Variants in ZNF394 observed in about 807,000 individuals in gnomAD.
The protein encoded by ZNF394 is zinc finger protein 99.
A neutral mutation model predicts 21.8 loss-of-function variants in ZNF394; 19 were observed. The ratio of observed to expected loss-of-function variants is 0.87; its 90% CI spans 0.61 to 1.28. The LOEUF (loss-of-function observed/expected upper bound fraction) is 1.28, where lower values mean the gene tolerates loss of function less well. Ranked by LOEUF, ZNF394 falls within the 50% of genes most tolerant of loss-of-function variation. The pLI is 0.00. For synonymous variants in ZNF394, 294 were observed against 273.3 expected (o/e 1.08, Z -0.75); for missense variants, 683 against 708.6 (o/e 0.96, Z 0.41).
downstream of ZNF394, among the ~76,000 whole-genome samples, chr7:99,491,937 G>A (rs1463490015): frequency 6.6e-6 from 1 of 151,744 alleles, no homozygotes. Flanking sequence ...AGCAAGGCAT[G>A]GTGGGGGTGC....
chr7:99,491,715 G>A (rs1334046202), downstream of ZNF394, among the ~76,000 whole-genome samples: 1 of 146,382 alleles, frequency 6.8e-6, no homozygotes. Context: ...GGCGGAGGTT[G>A]CAGTGAGCCG....
chr7:99,488,597 T>G (rs1436384473), downstream of ZNF394, among the ~76,000 whole-genome samples: 2 of 151,932 alleles, frequency 1.3e-5, no homozygotes, highest in African/African-American at 4.8e-5. Context: ...AACTAAGGGC[T>G]ACTCACTAGT....
chr7:99,496,896 G>A (rs1800330256), intron 2 of ZNF394, among the ~76,000 whole-genome samples: 1 of 151,062 alleles, frequency 6.6e-6, no homozygotes, highest in Non-Finnish European at 1.5e-5. Flanking sequence ...ACAAGAATAT[G>A]GAGAAAGAAA....
At chr7:99,487,413 A>C (rs1261278543) in intron 1 of ZNF394, 1 of 1,614,126 alleles carries the variant, frequency 6.2e-7, no homozygotes, top group Non-Finnish European at 8.5e-7. Context: ...AATGTGTCAT[A>C]TGTGGAAAAT....
At position 99,497,087 on chromosome 7, in the gene ZNF394, C is replaced by CGTGTGTGTGT. The variant is rs201206255; in HGVS notation, c.583+1619_583+1628dup. Among the ~76,000 whole-genome samples, 448 of 94,622 alleles carry CGTGTGTGTGT rather than the reference C, an allele frequency of 4.7e-3. 8 individuals are homozygous for CGTGTGTGTGT. Among genetic ancestry groups the CGTGTGTGTGT allele is most frequent in the African/African-American group, 0.025 (367 of 14,426 alleles). The allele number at this position is 94,622 out of a possible 152,430, so 62.1% of individuals were successfully genotyped here. A position where few individuals can be genotyped will look rare whatever the true frequency, so the allele number is the denominator to read the frequency against. On this transcript the variant is annotated intron_variant, in intron 2 of 2. Transcript: ENST00000337673. ...GTATATATATGTATATACATACATA[C>CGTGTGTGTGT]GTGTGTGTGTGTGTGTGTGTGTGTG...
Position 99,486,688 on chromosome 7 carries a change from C to T in ZNF394, n.359G>A, listed in dbSNP as rs149797851. ...CAGGGGCTTCCTTCAAAACCTTAAC[C>T]TTATTCAAGATCAGAATGCGCAAAC... is the stretch of plus-strand genomic sequence containing the variant. On this transcript the variant is annotated non_coding_transcript_exon_variant, in exon 2 of 2. Transcript: ENST00000462024. The T allele has an allele frequency of 3.1e-6, 5 of 1,614,068 alleles. No individual in the cohort carries two copies. In the African/African-American group the frequency reaches 6.7e-5, roughly 22 times the overall value.
intron 1 of ZNF394, 66 bp downstream of exon 1, chr7:99,499,572 C>T: frequency 1.4e-6 from 2 of 1,425,518 alleles, no homozygotes; most frequent in Non-Finnish European, 9.4e-7. Flanking sequence ...AGTTCCGAAA[C>T]GCAGAGCACC....
At position 99,494,252 on chromosome 7, in the gene ZNF394, G is replaced by C; in HGVS notation, c.963C>G (p.Phe321Leu). The change falls in exon 3 of 3, where the codon TTC becomes TTG. Residue 321 changes from phenylalanine to leucine, a missense_variant. Physicochemically the swap from Phe to Leu is conservative, Grantham distance 22 (BLOSUM62 0). Around this residue, in one of 3 missense-constraint regions of ZNF394, gnomAD observed 274 missense variants for 314.1 expected, o/e 0.87. Coordinates refer to ENST00000337673, the MANE Select transcript of ZNF394 (RefSeq NM_032164.4). ...TCAGCACGTGCCACGTCACCATGTG[G>C]AAACTTTGCTTGCACTTGTTCCCGT... The part of the protein sequence containing the change: ...EEHGNKCKQS[F>L]HMVTWHVLKP... 1.2e-6 allele frequency: 2 copies of C among 1,614,266 alleles called. No homozygotes were observed. Among genetic ancestry groups the C allele is most frequent in the Non-Finnish European group, 1.7e-6 (2 of 1,180,056 alleles).
At chr7:99,498,681 A>C in intron 2 of ZNF394, 35 bp downstream of exon 2, 1 of 1,613,390 alleles carries the variant, frequency 6.2e-7, no homozygotes, top group Admixed American at 1.7e-5. Context: ...CACAAACCAC[A>C]CACCGCAATA....
chr7:99,496,409 A>G (rs1156587817), intron 2 of ZNF394, among the ~76,000 whole-genome samples: 2 of 152,042 alleles, frequency 1.3e-5, no homozygotes, highest in Non-Finnish European at 2.9e-5. Context: ...AGAGTAGAGT[A>G]GAATATTCCA....
downstream of ZNF394, among the ~76,000 whole-genome samples, chr7:99,489,658 A>G (rs1296789252): frequency 6.6e-6 from 1 of 152,134 alleles, no homozygotes; most frequent in Non-Finnish European, 1.5e-5. Flanking sequence ...AACTACTTGT[A>G]TTCAAAAAGT....
Position 99,500,247 on chromosome 7 carries a change from G to T in ZNF394, c.-154C>A, listed in dbSNP as rs139549797. The T allele has an allele frequency of 3.0e-6, 2 of 676,004 alleles. No individual in the cohort carries two copies. The highest frequency in any genetic ancestry group is 4.6e-6 in the Non-Finnish European group (2 of 434,270). The allele number at this position is 676,004 out of a possible 1,614,324, so 41.9% of individuals were successfully genotyped here. ...TCCACACTCTCCTTTCCTCAGCTTT[G>T]CGCCTACAACTCTCTCGGTCAAACA... On this transcript the variant is annotated 5_prime_UTR_variant, in exon 1 of 3. Coordinates refer to ENST00000337673, the MANE Select transcript of ZNF394 (RefSeq NM_032164.4).
At chr7:99,489,354 C>G (rs1162955673), downstream of ZNF394, among the ~76,000 whole-genome samples, 2 of 151,912 alleles carry the variant, frequency 1.3e-5, no homozygotes, top group Non-Finnish European at 2.9e-5. Context: ...CTGCCGAAGT[C>G]CCTCTGGCCT....
rs1490093028 is a variant in ZNF394 at position 99,494,350 on chromosome 7, T to A, written c.865A>T (p.Ser289Cys). 1 of 1,614,252 alleles carries A rather than the reference T, an allele frequency of 6.2e-7. No individual in the cohort carries two copies. The highest frequency in any genetic ancestry group is 1.7e-5 in the Admixed American group (1 of 60,022). The change falls in exon 3 of 3, where the codon AGT (serine) becomes TGT (cysteine). Residue 289 changes from serine to cysteine, a missense_variant. Ser to Cys is a moderately radical substitution (Grantham distance 112). This residue lies in a region of ZNF394 where 402 missense variants were observed against 373.8 expected (regional missense o/e 1.08). Transcript: ENST00000337673. ...EDSKNNELQN[S>C]ARCSNLVLCQ... ...AGAACAAGGTTGGAACACCTGGCACTGTTCTGCAATTCATTATTTTTAGAG... is the reference window on the plus strand; with the variant it reads ...AGAACAAGGTTGGAACACCTGGCACAGTTCTGCAATTCATTATTTTTAGAG...
Position 99,493,498 on chromosome 7 carries a change from C to G in ZNF394, c.*31G>C, listed in dbSNP as rs946345348. On this transcript the variant is annotated 3_prime_UTR_variant, in exon 3 of 3. Transcript: ENST00000337673. ...TTTCAAACTCCTGATCTCAAATGATCTGCCTGCCTTGGCCTCCCAAAGTGC... is the reference window on the plus strand; with the variant it reads ...TTTCAAACTCCTGATCTCAAATGATGTGCCTGCCTTGGCCTCCCAAAGTGC... The G allele has an allele frequency of 3.9e-6, 6 of 1,524,750 alleles. No homozygotes were observed. In the East Asian group the frequency reaches 1.4e-4, roughly 34 times the overall value. 94.5% of individuals were successfully genotyped at this position (1,524,750 alleles called of 1,614,324 possible).
chr7:99,490,803 CAGCCA>C (rs1046439702), downstream of ZNF394, among the ~76,000 whole-genome samples: 2 of 151,968 alleles, frequency 1.3e-5, no homozygotes, highest in African/African-American at 4.8e-5. Context: ...TAGAGAGACT[CAGCCA>C]TAGAAAATGA....
At chr7:99,498,883 T>A in intron 1 of ZNF394, 41 bp from the exon 2 acceptor site, 1 of 1,585,378 alleles carries the variant, frequency 6.3e-7, no homozygotes. Flanking sequence ...CTGCTGTCCC[T>A]GTACAGCACT....
rs1234888154 is a variant in ZNF394 at position 99,497,124 on chromosome 7, ATATATATATATATATATG to A, written c.583+1574_583+1591del. Among the ~76,000 whole-genome samples the A allele has an allele frequency of 3.8e-4, 32 of 84,452 alleles. 1 individual carries two copies. Among genetic ancestry groups the A allele is most frequent in the African/African-American group, 2.1e-3 (28 of 13,142 alleles). 55.4% of individuals were successfully genotyped at this position (84,452 alleles called of 152,430 possible). On this transcript the variant is annotated intron_variant, in intron 2 of 2. Transcript: ENST00000337673. ...TGTGTGTGTGTGTGTGTGTGTGTGT[ATATATATATATATATATG>A]TATATATATATATAAAATGTTTTTT...
At position 99,499,913 on chromosome 7, in the gene ZNF394, C is replaced by T; in HGVS notation, c.181G>A (p.Glu61Lys). ...PNYPAASPDP[E>K]TSRLHFRQLR... is the part of the protein sequence containing the mutation. ...TGCCTAAAGTGCAGTCGAGAAGTTT[C>T]GGGGTCCGGCGAAGCCGCGGGATAG... is the stretch of plus-strand genomic sequence containing the variant. The change falls in exon 1 of 3, where the codon GAA becomes AAA. Residue 61 changes from glutamate to lysine, a missense_variant. Transcript: ENST00000337673. The T allele has an allele frequency of 6.2e-7, 1 of 1,614,142 alleles. No individual in the cohort carries two copies. The highest frequency in any genetic ancestry group is 8.5e-7 in the Non-Finnish European group (1 of 1,180,040).
Sources: allele counts gnomAD v4.1 joint callset (sites outside exome capture counted in the v4.1 genomes callset), GRCh38; gene constraint gnomAD v4.1.1; regional missense constraint gnomAD v4.1.1; transcripts MANE v1.5; gene names NCBI Gene and HGNC (gene_info 2026-07-23, HGNC 2026-07-21).